The following PTPRK variants were observed in gnomAD, a reference collection of about 807,000 sequenced individuals.
The protein encoded by PTPRK is protein tyrosine phosphatase receptor type K.
In PTPRK, 75 loss-of-function variants were observed where a neutral mutation model predicts 178.0. The observed-to-expected ratio is 0.42, with a 90% CI of 0.35 to 0.51. PTPRK has a LOEUF of 0.51. Ranked by LOEUF, PTPRK falls within the 20% of genes least tolerant of loss-of-function variation. The probability of loss-of-function intolerance (pLI) is 0.02; values close to 1 mark genes in which losing one functional copy is unlikely to be tolerated. For synonymous variants in PTPRK, 637 were observed against 620.6 expected (o/e 1.03, Z -0.39); for missense variants, 1,441 against 1,797.8 (o/e 0.80, Z 3.59).
intron 25 of PTPRK, among the ~76,000 whole-genome samples, chr6:127,977,503 T>C (rs1264810730): frequency 6.6e-6 from 1 of 152,210 alleles, no homozygotes. Context: ...GTGTATAGTG[T>C]GTGTGCGTGC....
chr6:128,219,744 T>G (rs563667632), intron 5 of PTPRK, among the ~76,000 whole-genome samples: 4 of 152,244 alleles, frequency 2.6e-5, no homozygotes, highest in Admixed American at 2.6e-4. Flanking sequence ...GAGTAATATA[T>G]ACAAGCTTCT....
intron 5 of PTPRK, among the ~76,000 whole-genome samples, chr6:128,228,607 C>T (rs182031110): frequency 1.0e-4 from 15 of 147,168 alleles, no homozygotes; most frequent in Non-Finnish European, 1.9e-4. Context: ...TTGCAGTGAG[C>T]GGAGATCGCG....
intron 5 of PTPRK, among the ~76,000 whole-genome samples, chr6:128,220,763 CAAAT>C (rs1321508779): frequency 6.6e-6 from 1 of 151,992 alleles, no homozygotes; most frequent in African/African-American, 2.4e-5. Context: ...TTCTGAGTAG[CAAAT>C]AAATAAACTG....
chr6:128,229,415 C>G lies in PTPRK; in HGVS notation c.694-10319G>C, dbSNP rs559496626. 1.3e-5 allele frequency among the ~76,000 whole-genome samples: 2 copies of G among 152,260 alleles called. 1 individual carries two copies. The highest frequency in any genetic ancestry group is 1.3e-4 in the Admixed American group (2 of 15,290). ...TCAACTTGAAATATCCCTATGAACTCATTAGGTATTTTATCATTAAATATA... is the reference window on the plus strand; with the variant it reads ...TCAACTTGAAATATCCCTATGAACTGATTAGGTATTTTATCATTAAATATA... On this transcript the variant is annotated intron_variant, in intron 5 of 29. Transcript: ENST00000368226.
At chr6:128,003,264 ATT>A in intron 15 of PTPRK, 36 of 1,554,926 alleles carry the variant, frequency 2.3e-5, no homozygotes, top group Non-Finnish European at 3.0e-5. Flanking sequence ...GAAGGAATAT[ATT>A]GCTCTAAAAT....
chr6:128,246,173 A>AT (rs570705710), intron 3 of PTPRK, among the ~76,000 whole-genome samples: 1 of 152,258 alleles, frequency 6.6e-6, no homozygotes, highest in East Asian at 1.9e-4. Context: ...TTTAAAAATC[A>AT]TTTTTTTGAA....
At chr6:128,438,093 A>T (rs1845833489) in intron 1 of PTPRK, among the ~76,000 whole-genome samples, 1 of 152,256 alleles carries the variant, frequency 6.6e-6, no homozygotes, top group African/African-American at 2.4e-5. Flanking sequence ...CCGGGTATAT[A>T]AACGGCCCCA....
chr6:128,331,824 G>A (rs1332188751), intron 2 of PTPRK, among the ~76,000 whole-genome samples: 3 of 152,176 alleles, frequency 2.0e-5, no homozygotes, highest in South Asian at 2.1e-4. Flanking sequence ...TTTAGTATCC[G>A]TGACATGTCC....
chr6:128,376,336 C>T (rs1837069852), intron 2 of PTPRK, among the ~76,000 whole-genome samples: 1 of 152,312 alleles, frequency 6.6e-6, no homozygotes, highest in African/African-American at 2.4e-5. Context: ...AGGCTCAACA[C>T]CATGTGGAAG....
chr6:128,349,075 AAAG>A (rs1364286252), intron 2 of PTPRK, among the ~76,000 whole-genome samples: 1 of 152,244 alleles, frequency 6.6e-6, no homozygotes, highest in African/African-American at 2.4e-5. Context: ...AAAATCATGA[AAAG>A]AAGTATGAAT....
At chr6:128,034,356 C>A (rs1234019503) in intron 13 of PTPRK, among the ~76,000 whole-genome samples, 1 of 152,172 alleles carries the variant, frequency 6.6e-6, no homozygotes, top group African/African-American at 2.4e-5. Context: ...TTTTGATTAG[C>A]AGCATTTCAA....
Position 127,970,296 on chromosome 6 carries a change from A to G in PTPRK, c.4270-16T>C, listed in dbSNP as rs1276434265. The G allele has an allele frequency of 6.2e-7, 1 of 1,605,302 alleles. No individual in the cohort carries two copies. Among genetic ancestry groups the G allele is most frequent in the Admixed American group, 1.7e-5 (1 of 59,274 alleles). ...GGTATTGCTCCTGAAAGATGTCAAA[A>G]CACAAAGAGTGAGAAAACTTAAGAA... On this transcript the variant is annotated splice_polypyrimidine_tract_variant and intron_variant, in intron 29 of 29. Transcript: ENST00000368226.
intron 7 of PTPRK, among the ~76,000 whole-genome samples, chr6:128,113,197 G>T (rs1267303287): frequency 6.6e-6 from 1 of 151,776 alleles, no homozygotes; most frequent in Non-Finnish European, 1.5e-5. Flanking sequence ...GTTATACAAA[G>T]ACAGACACAA....
intron 7 of PTPRK, among the ~76,000 whole-genome samples, chr6:128,182,479 C>A (rs901133708): frequency 8.5e-5 from 13 of 152,050 alleles, no homozygotes; most frequent in Non-Finnish European, 1.8e-4. Flanking sequence ...GAAGTTGAGA[C>A]AGGAGAATTG....
intron 1 of PTPRK, among the ~76,000 whole-genome samples, chr6:128,451,309 A>G (rs559600559): frequency 6.6e-6 from 1 of 152,330 alleles, no homozygotes; most frequent in African/African-American, 2.4e-5. Context: ...ACTACAAAAA[A>G]CACCAATCTA....
chr6:128,464,333 T>TGAAGGCCTTCTGAA (rs540827608), intron 1 of PTPRK, among the ~76,000 whole-genome samples: 376 of 152,030 alleles, frequency 2.5e-3, no homozygotes, highest in African/African-American at 8.6e-3. Context: ...AGATGAAAGC[T>TGAAGGCCTTCTGAA]GGCACAGAAG....
intron 1 of PTPRK, among the ~76,000 whole-genome samples, chr6:128,493,875 T>C (rs140391997): frequency 3.9e-4 from 60 of 152,320 alleles, no homozygotes; most frequent in African/African-American, 1.4e-3. Flanking sequence ...AACTCTGTCA[T>C]CTGCCTTCTC....
At chr6:128,514,903 A>G (rs1353401948) in intron 1 of PTPRK, among the ~76,000 whole-genome samples, 3 of 152,252 alleles carry the variant, frequency 2.0e-5, no homozygotes, top group Admixed American at 6.5e-5. Flanking sequence ...AATACAGATC[A>G]AAAGAATTCC....
At chr6:127,996,819 C>A (rs1777202814) in intron 17 of PTPRK, 82 bp downstream of exon 17, 2 of 1,472,204 alleles carry the variant, frequency 1.4e-6, no homozygotes, top group Non-Finnish European at 1.8e-6. Context: ...ACAGACACAC[C>A]ACTCTCTGGG....
Sources: gnomAD v4.1 joint callset for allele counts (sites outside exome capture counted in the v4.1 genomes callset) on GRCh38, gnomAD v4.1.1 for gene constraint, MANE v1.5 for transcripts, NCBI Gene and HGNC (gene_info 2026-07-23, HGNC 2026-07-21) for gene names.